The following ZNF43 variants were observed in gnomAD, a reference collection of about 807,000 sequenced individuals.
ZNF43 encodes the protein zinc finger protein 39-like 1 (KOX 27).
A neutral mutation model predicts 68.4 loss-of-function variants in ZNF43; 44 were observed. The observed-to-expected ratio is 0.64, with a 90% CI of 0.51 to 0.83. ZNF43 has a LOEUF of 0.83. Ranked by LOEUF, ZNF43 falls within the 40% of genes least tolerant of loss-of-function variation. The pLI, the probability that ZNF43 is intolerant of heterozygous loss-of-function variation, is 0.00. For missense variants in ZNF43, 896 were observed against 933.2 expected (o/e 0.96, Z 0.52); for synonymous variants, 308 against 307.8 (o/e 1.00, Z -0.01).
In ZNF43 at chr19:21,806,688, T is replaced by A. The variant is rs1265391496; in HGVS notation, c.*919A>T. On this transcript the variant is annotated 3_prime_UTR_variant, in exon 4 of 4. Transcript: ENST00000354959. ...TAATTTTTTCAAGATAAAAGTATAC[T>A]TTAATTGTAATTATAACTGAAAATC... 6.6e-6 allele frequency: 1 copy of A among 152,210 alleles called. No individual in the cohort carries two copies. The highest frequency in any genetic ancestry group is 6.5e-5 in the Admixed American group (1 of 15,278). 9.4% of individuals were successfully genotyped at this position (152,210 alleles called of 1,614,324 possible). A position where few individuals can be genotyped will look rare whatever the true frequency, so the allele number is the denominator to read the frequency against.
At chr19:21,821,529 AAC>A (rs1282761176) in intron 1 of ZNF43, among the ~76,000 whole-genome samples, 2 of 152,196 alleles carry the variant, frequency 1.3e-5, no homozygotes, top group African/African-American at 2.4e-5. Flanking sequence ...GCTAATAAAA[AAC>A]AGACTGAAAC....
At chr19:21,830,329 C>T (rs2038365235) in intron 1 of ZNF43, among the ~76,000 whole-genome samples, 1 of 147,526 alleles carries the variant, frequency 6.8e-6, no homozygotes, top group Non-Finnish European at 1.5e-5. Context: ...AAAAGAAATC[C>T]AGGAGTAAAA....
At chr19:21,834,127 TAGGAGTTCGAGACC>T (rs1191765181) in intron 1 of ZNF43, among the ~76,000 whole-genome samples, 1 of 151,112 alleles carries the variant, frequency 6.6e-6, no homozygotes, top group African/African-American at 2.4e-5. Flanking sequence ...CATCTGAGGT[TAGGAGTTCGAGACC>T]AGCCTGGTCA....
rs568653933 is a variant in ZNF43, at chr19:21,835,936, A to C, written c.3+100T>G. 3 of 1,595,310 alleles carry C rather than the reference A, an allele frequency of 1.9e-6. No individual in the cohort carries two copies. In the East Asian group the frequency reaches 6.7e-5, roughly 36 times the overall value. On this transcript the variant is annotated intron_variant, in intron 1 of 3. Coordinates refer to ENST00000354959, the MANE Select transcript of ZNF43 (RefSeq NM_003423.4). ...GAAGGGGATTGAGGCCGAGCTGGGC[A>C]AGAACTCCGGCACGCGCAGATTGTG...
intron 1 of ZNF43, among the ~76,000 whole-genome samples, chr19:21,834,889 G>C (rs11880004): frequency 0.035 from 5,126 of 148,516 alleles, 310 homozygotes; most frequent in African/African-American, 0.12. Flanking sequence ...AAAATATACA[G>C]ATATCTAAAA....
At position 21,819,395 on chromosome 19, in the gene ZNF43, G is replaced by A. The variant is rs150935690; in HGVS notation, c.4-174C>T. 4.5e-3 allele frequency among the ~76,000 whole-genome samples: 690 copies of A among 152,232 alleles called. 5 individuals are homozygous for A. Among genetic ancestry groups the A allele is most frequent in the African/African-American group, 0.016 (660 of 41,544 alleles). The stretch of plus-strand genomic sequence containing the variant: ...TCTTTTCATGGAATTATTCTCCAAT[G>A]TATTTTCTACCCCTGAGAAAAGAAA... On this transcript the variant is annotated intron_variant, in intron 1 of 3. Transcript: ENST00000354959.
chr19:21,809,968 A>G (rs1203643456), intron 3 of ZNF43, among the ~76,000 whole-genome samples, 161 bp from the exon 4 acceptor site: 5 of 152,186 alleles, frequency 3.3e-5, no homozygotes. Context: ...ACAAAAACAT[A>G]CTGATCAAAT....
At chr19:21,824,748 A>AAG (rs1555722209) in intron 1 of ZNF43, among the ~76,000 whole-genome samples, 1 of 151,712 alleles carries the variant, frequency 6.6e-6, no homozygotes, top group African/African-American at 2.4e-5. Flanking sequence ...AAAAAAAAAA[A>AAG]AAAGAAAAAA....
intron 1 of ZNF43, among the ~76,000 whole-genome samples, chr19:21,823,140 T>G (rs960272802): frequency 1.3e-5 from 2 of 151,920 alleles, no homozygotes; most frequent in Admixed American, 6.6e-5. Context: ...AAAGCCAAAG[T>G]TTTTTTTGCA....
rs771611737 is a variant in ZNF43 at position 21,808,133 on chromosome 19, G to C, written c.1904C>G (p.Ser635Ter). Reference protein sequence around the residue: ...EECGKAFNQFSTLTKHKIIHT... With the variant: ...EECGKAFNQF ...AATTATCTTATGTTTAGTAAGAGTT[G>C]AGAACTGGTTAAAAGCTTTGCCACA... Residue 635 changes from serine to a stop codon, truncating the protein, a stop_gained, in exon 4 of 4, where the codon TCA (serine) becomes TGA (stop). Transcript: ENST00000354959. LOFTEE classifies it high-confidence loss of function. 1.2e-6 allele frequency: 2 copies of C among 1,613,244 alleles called. No individual in the cohort carries two copies. Among genetic ancestry groups the C allele is most frequent in the Non-Finnish European group, 1.7e-6 (2 of 1,179,814 alleles).
At chr19:21,841,256 T>G (rs1042855126) in intron 1 of ZNF43, 1 of 152,230 alleles carries the variant, frequency 6.6e-6, no homozygotes, top group Non-Finnish European at 1.5e-5. Flanking sequence ...AAAGTGTATG[T>G]CACAATCTAA....
intron 1 of ZNF43, 150 bp downstream of exon 1, chr19:21,835,886 C>T: frequency 7.2e-7 from 1 of 1,380,206 alleles, no homozygotes; most frequent in South Asian, 1.3e-5. Flanking sequence ...GGGCTGCCTC[C>T]CAGAGCAGCC....
chr19:21,830,325 A>G (rs993082605), intron 1 of ZNF43, among the ~76,000 whole-genome samples: 3 of 151,930 alleles, frequency 2.0e-5, no homozygotes, highest in Non-Finnish European at 4.4e-5. Flanking sequence ...CAAAAAAAGA[A>G]ATCCAGGAGT....
At chr19:21,834,652 G>A (rs113241781) in intron 1 of ZNF43, among the ~76,000 whole-genome samples, 7,549 of 151,698 alleles carry the variant, frequency 0.05, 405 homozygotes, top group African/African-American at 0.14. Context: ...CCAGCTACTC[G>A]GGAGGCTGAG....
At chr19:21,843,169 T>A (rs985094068) in intron 1 of ZNF43, 2 of 156,288 alleles carry the variant, frequency 1.3e-5, no homozygotes, top group African/African-American at 4.8e-5. Flanking sequence ...CAGTGATATG[T>A]CACAATGCCC....
chr19:21,841,694 T>C (rs544662164), intron 1 of ZNF43: 1 of 152,232 alleles, frequency 6.6e-6, no homozygotes, highest in African/African-American at 2.4e-5. Context: ...ATACCCACAA[T>C]ACAAGGGGCC....
chr19:21,814,343 G>A (rs2037418436), intron 3 of ZNF43, among the ~76,000 whole-genome samples: 1 of 150,752 alleles, frequency 6.6e-6, no homozygotes, highest in South Asian at 2.1e-4. Flanking sequence ...CCAAAATTGG[G>A]GTCATATATT....
intron 1 of ZNF43, among the ~76,000 whole-genome samples, chr19:21,851,600 C>G (rs1247446002): frequency 6.6e-6 from 1 of 151,976 alleles, no homozygotes; most frequent in East Asian, 1.9e-4. Flanking sequence ...GGCCGCAGCT[C>G]CTCCTGCGCA....
chr19:21,827,501 A>G (rs2038195770), intron 1 of ZNF43, among the ~76,000 whole-genome samples: 1 of 150,986 alleles, frequency 6.6e-6, no homozygotes, highest in South Asian at 2.1e-4. Flanking sequence ...AGCTGGGATT[A>G]CAGGCATGCA....
Sources: gnomAD v4.1 joint callset for allele counts (sites outside exome capture counted in the v4.1 genomes callset) on GRCh38, gnomAD v4.1.1 for gene constraint, MANE v1.5 for transcripts, NCBI Gene and HGNC (gene_info 2026-07-23, HGNC 2026-07-21) for gene names.